The following AFAP1 variants were observed in gnomAD, a reference collection of about 807,000 sequenced individuals.
The protein encoded by AFAP1 is actin filament associated protein 1, also known as actin filament-associated protein 1.
In AFAP1, 75 loss-of-function variants were observed where a neutral mutation model predicts 93.9. The ratio of observed to expected loss-of-function variants is 0.80; its 90% confidence interval spans 0.66 to 0.97. The LOEUF is 0.97. AFAP1 is among the 50% of genes least tolerant of loss of function. AFAP1 has a pLI of 0.00. For synonymous variants in AFAP1, 517 were observed against 430.7 expected, an observed-to-expected ratio of 1.20 and a Z score of -2.48; for missense variants, 1,201 against 1,050.8, an observed-to-expected ratio of 1.14 and a Z score of -1.98.
At chr4:7,897,088 A>G (rs764579181) in intron 1 of AFAP1, among the ~76,000 whole-genome samples, 6 of 152,192 alleles carry the variant, frequency 3.9e-5, no homozygotes, top group Non-Finnish European at 8.8e-5. Context: ...CTCCAATCCC[A>G]TGATGTTTAT....
intron 4 of AFAP1, among the ~76,000 whole-genome samples, chr4:7,851,116 T>C (rs1208397699): frequency 6.6e-6 from 1 of 152,130 alleles, no homozygotes; most frequent in African/African-American, 2.4e-5. Context: ...CTCTGGGAGT[T>C]TGGAGCACGG....
chr4:7,882,951 T>C (rs775425844), intron 1 of AFAP1, among the ~76,000 whole-genome samples: 2 of 151,932 alleles, frequency 1.3e-5, no homozygotes, highest in Non-Finnish European at 2.9e-5. Context: ...CTGGGAGGCC[T>C]AGTCAGGCAG....
chr4:7,795,405 CTTTTTTTTTTTTTTTTTTTTTTT>C (rs35550085), intron 10 of AFAP1, among the ~76,000 whole-genome samples: 7 of 62,082 alleles, frequency 1.1e-4, no homozygotes, highest in Admixed American at 7.0e-4. Flanking sequence ...AAAACAAAAT[CTTTTTTTTTTTTTTTTTTTTTTT>C]TTTTTTTTTT....
At chr4:7,784,554 C>T (rs1406836012) in intron 12 of AFAP1, among the ~76,000 whole-genome samples, 1 of 152,164 alleles carries the variant, frequency 6.6e-6, no homozygotes. Context: ...GGGGGCAGAT[C>T]AAGTGATGAG....
At chr4:7,811,319 C>G (rs1259368824) in intron 8 of AFAP1, among the ~76,000 whole-genome samples, 1 of 152,162 alleles carries the variant, frequency 6.6e-6, no homozygotes, top group Non-Finnish European at 1.5e-5. Context: ...CCACCCCCAC[C>G]GCAGGAACAA....
At chr4:7,828,635 C>G (rs1053742027) in intron 6 of AFAP1, among the ~76,000 whole-genome samples, 1 of 152,166 alleles carries the variant, frequency 6.6e-6, no homozygotes, top group South Asian at 2.1e-4. Flanking sequence ...GCAGCTTTTA[C>G]TTATGTAAGG....
At chr4:7,765,473 C>A (rs1407459828) in intron 17 of AFAP1, among the ~76,000 whole-genome samples, 1 of 152,236 alleles carries the variant, frequency 6.6e-6, no homozygotes, top group African/African-American at 2.4e-5. Flanking sequence ...CCCTACTGGA[C>A]AGCGCCCTCC....
chr4:7,819,454 G>T (rs1376822400), intron 6 of AFAP1, among the ~76,000 whole-genome samples: 1 of 152,182 alleles, frequency 6.6e-6, no homozygotes, highest in African/African-American at 2.4e-5. Context: ...TTATCGCCAT[G>T]AACAATAAGG....
chr4:7,851,628 G>A (rs1010294047), intron 4 of AFAP1, among the ~76,000 whole-genome samples: 1 of 152,120 alleles, frequency 6.6e-6, no homozygotes, highest in Non-Finnish European at 1.5e-5. Flanking sequence ...TGTCCAAATG[G>A]GCTCACGTAT....
intron 1 of AFAP1, among the ~76,000 whole-genome samples, chr4:7,885,196 A>G (rs1718077455): frequency 6.6e-6 from 1 of 151,966 alleles, no homozygotes; most frequent in South Asian, 2.1e-4. Flanking sequence ...ATCTTAATTA[A>G]CCTGGACTGT....
intron 4 of AFAP1, among the ~76,000 whole-genome samples, chr4:7,849,155 T>G (rs2149129367): frequency 6.6e-6 from 1 of 152,282 alleles, no homozygotes; most frequent in Non-Finnish European, 1.5e-5. Flanking sequence ...TTCGTTTCAA[T>G]GCACTGGCTT....
At chr4:7,832,541 A>G (rs201970822) in intron 6 of AFAP1, among the ~76,000 whole-genome samples, 1 of 152,046 alleles carries the variant, frequency 6.6e-6, no homozygotes, top group South Asian at 2.1e-4. Context: ...CCCTTTTCTC[A>G]CAACAGGTAC....
At chr4:7,878,397 G>C (rs1206973851) in intron 1 of AFAP1, among the ~76,000 whole-genome samples, 1 of 152,192 alleles carries the variant, frequency 6.6e-6, no homozygotes, top group Non-Finnish European at 1.5e-5. Flanking sequence ...TATTCCGAGA[G>C]TGGCCTTCCC....
At chr4:7,937,827 A>G (rs1473731757) in intron 1 of AFAP1, among the ~76,000 whole-genome samples, 1 of 152,228 alleles carries the variant, frequency 6.6e-6, no homozygotes, top group African/African-American at 2.4e-5. Flanking sequence ...ACTATGCAAC[A>G]AACATTAGGA....
At chr4:7,848,054 C>T (rs575051949) in intron 4 of AFAP1, among the ~76,000 whole-genome samples, 13 of 142,748 alleles carry the variant, frequency 9.1e-5, no homozygotes, top group Non-Finnish European at 2.0e-4. Context: ...GATGGATGGA[C>T]AGGTGGATGG....
chr4:7,774,861 T>C lies in AFAP1; in HGVS notation c.1940A>G (p.Asp647Gly). The change falls in exon 15 of 18, where the codon GAT (aspartate) becomes GGT (glycine). Residue 647 changes from aspartate to glycine, a missense_variant. Physicochemically the swap from Asp to Gly is moderately conservative, Grantham distance 94. Transcript: ENST00000420658. ...YKYGKNRVEA[D>G]AKRLQTKEEE... ...CTCTTTGGTCTGTAGCCGCTTGGCA[T>C]CTGCTTCTACCCGGTTCTTGCCATA... 6.2e-7 allele frequency: 1 copy of C among 1,614,240 alleles called. No individual in the cohort carries two copies. Among genetic ancestry groups the C allele is most frequent in the Non-Finnish European group, 8.5e-7 (1 of 1,180,052 alleles).
chr4:7,908,824 G>T (rs545860841), intron 1 of AFAP1, among the ~76,000 whole-genome samples: 1 of 152,324 alleles, frequency 6.6e-6, no homozygotes, highest in African/African-American at 2.4e-5. Context: ...TATAGCATAA[G>T]ATCATCTCCT....
chr4:7,873,608 A>G (rs932769461), intron 1 of AFAP1, among the ~76,000 whole-genome samples: 1 of 152,032 alleles, frequency 6.6e-6, no homozygotes, highest in Non-Finnish European at 1.5e-5. Flanking sequence ...TGGGCCTCCC[A>G]AAGCACTGGG....
At chr4:7,877,132 G>C (rs62289338) in intron 1 of AFAP1, among the ~76,000 whole-genome samples, 50,820 of 151,990 alleles carry the variant, frequency 0.33, 9,665 homozygotes, top group Non-Finnish European at 0.44. Context: ...TTTCCCTCAA[G>C]GTAGCTAGTC....
Sources: gnomAD v4.1 joint callset for allele counts (sites outside exome capture counted in the v4.1 genomes callset) on GRCh38, gnomAD v4.1.1 for gene constraint, MANE v1.5 for transcripts, NCBI Gene and HGNC (gene_info 2026-07-23, HGNC 2026-07-21) for gene names.